PDE4D: variants seen among roughly 807,000 people sequenced by gnomAD.
The protein encoded by PDE4D is phosphodiesterase 4D.
In PDE4D, 24 loss-of-function variants were observed where a neutral mutation model predicts 87.4. The observed-to-expected ratio is 0.27, with a 90% CI of 0.20 to 0.39. The LOEUF (loss-of-function observed/expected upper bound fraction) is 0.39, where lower values mean the gene tolerates loss of function less well. PDE4D is among the 10% of genes least tolerant of loss of function. The pLI, the probability that PDE4D is intolerant of heterozygous loss-of-function variation, is 1.00. For synonymous variants in PDE4D, 384 were observed against 383.2 expected, an observed-to-expected ratio of 1.00 and a Z score of -0.02; for missense variants, 714 against 1,041.0, an observed-to-expected ratio of 0.69 and a Z score of 4.32.
At chr5:59,548,022 G>C (rs962762694) in intron 1 of PDE4D, among the ~76,000 whole-genome samples, 4 of 152,144 alleles carry the variant, frequency 2.6e-5, no homozygotes, top group South Asian at 2.1e-4. Flanking sequence ...GAAAGTCTTA[G>C]AAACACAGTG....
intron 1 of PDE4D, among the ~76,000 whole-genome samples, chr5:59,497,992 C>A (rs553695371): frequency 3.3e-5 from 5 of 152,110 alleles, no homozygotes; most frequent in Admixed American, 2.0e-4. Flanking sequence ...AGAAACCATA[C>A]AAGCCAGAAG....
rs771821662 is a variant in PDE4D at position 59,177,349 on chromosome 5, G to T, written c.808+3246C>A. ...ACCCAGTCTATGGTACTTTGTTATG[G>T]CAGCCTGAATTGATGAAGAAACCCC... On this transcript the variant is annotated intron_variant, in intron 5 of 14. Transcript: ENST00000340635. Among the ~76,000 whole-genome samples, 26 of 152,246 alleles carry T rather than the reference G, an allele frequency of 1.7e-4. No homozygotes were observed. The South Asian group carries it at 2.7e-3, about 16-fold the overall frequency.
chr5:60,044,722 G>C (rs1442646012), intron 2 of PDE4D, among the ~76,000 whole-genome samples: 2 of 152,106 alleles, frequency 1.3e-5, no homozygotes, highest in Non-Finnish European at 2.9e-5. Flanking sequence ...GCATAGTATT[G>C]CATGGTGTAT....
At chr5:59,608,897 A>G (rs1828600956) in intron 1 of PDE4D, among the ~76,000 whole-genome samples, 1 of 152,046 alleles carries the variant, frequency 6.6e-6, no homozygotes, top group African/African-American at 2.4e-5. Flanking sequence ...CTGTCTGCCT[A>G]TCTGTCTCTC....
At chr5:59,948,562 A>G (rs1380968069) in intron 3 of PDE4D, among the ~76,000 whole-genome samples, 1 of 152,192 alleles carries the variant, frequency 6.6e-6, no homozygotes, top group East Asian at 1.9e-4. Context: ...TGGGATGAAT[A>G]AAACAATTTC....
intron 5 of PDE4D, among the ~76,000 whole-genome samples, chr5:59,105,594 A>G (rs889478446): frequency 1.3e-5 from 2 of 152,220 alleles, no homozygotes; most frequent in Non-Finnish European, 2.9e-5. Context: ...GAAAATAGAA[A>G]TCAAATGATA....
At position 59,689,958 on chromosome 5, in the gene PDE4D, CA is replaced by C. The variant is rs1407500990; in HGVS notation, c.455+203209del. 1.3e-4 allele frequency among the ~76,000 whole-genome samples: 20 copies of C among 152,248 alleles called. 1 individual carries two copies. Among genetic ancestry groups the C allele is most frequent in the African/African-American group, 4.8e-4 (20 of 41,536 alleles). The stretch of plus-strand genomic sequence containing the variant: ...AAACAGCCAAATCCGAAGTGAACTC[CA>C]ATTCACAATTGCTTCAAAGAGAATA... On this transcript the variant is annotated intron_variant, in intron 1 of 14. Coordinates refer to ENST00000340635, the MANE Select transcript of PDE4D (RefSeq NM_001104631.2).
In PDE4D at chr5:59,781,281, C is replaced by T. The variant is rs1250329713; in HGVS notation, c.455+111887G>A. Among the ~76,000 whole-genome samples, 3 of 150,270 alleles carry T rather than the reference C, an allele frequency of 2.0e-5. No homozygotes were observed. The East Asian group carries it at 5.9e-4, about 30-fold the overall frequency. On this transcript the variant is annotated intron_variant, in intron 1 of 14. Transcript: ENST00000340635. ...CCTACATGATTGGTTTATGTAGGAA[C>T]TATGTCTTACTTAGTGGTTAAGTAA... is the stretch of plus-strand genomic sequence containing the variant.
intron 1 of PDE4D, among the ~76,000 whole-genome samples, chr5:60,342,018 A>G (rs1172624945): frequency 6.6e-6 from 1 of 152,180 alleles, no homozygotes; most frequent in African/African-American, 2.4e-5. Flanking sequence ...TCAAACTATA[A>G]AATGTTTGCT....
chr5:59,410,888 G>A (rs934333004), intron 1 of PDE4D, among the ~76,000 whole-genome samples: 6 of 152,254 alleles, frequency 3.9e-5, no homozygotes, highest in Non-Finnish European at 7.4e-5. Flanking sequence ...AAGGCTAACT[G>A]ACAGAGTTCT....
chr5:59,031,392 T>TATTATA (rs1431074293), intron 6 of PDE4D, among the ~76,000 whole-genome samples: 1 of 34,284 alleles, frequency 2.9e-5, no homozygotes, highest in Non-Finnish European at 5.1e-5. Context: ...TATATATATA[T>TATTATA]TATATATATA....
intron 5 of PDE4D, among the ~76,000 whole-genome samples, chr5:59,120,581 T>A (rs1407411907): frequency 2.0e-5 from 3 of 148,776 alleles, no homozygotes; most frequent in African/African-American, 2.5e-5. Context: ...CCTTTCTCTT[T>A]AAAAAAAAAA....
intron 1 of PDE4D, among the ~76,000 whole-genome samples, chr5:60,209,192 T>TC (rs1354997675): frequency 1.1e-3 from 155 of 147,028 alleles, no homozygotes; most frequent in African/African-American, 3.7e-3. Flanking sequence ...TTTTTCTTTT[T>TC]TTTTTTTTTT....
chr5:59,029,383 C>G (rs565508577), intron 6 of PDE4D, among the ~76,000 whole-genome samples: 2 of 132,540 alleles, frequency 1.5e-5, no homozygotes, highest in African/African-American at 5.7e-5. Context: ...CGCCACTGCA[C>G]TCTAGCCTGG....
chr5:59,242,327 G>A (rs1414170534), intron 1 of PDE4D, among the ~76,000 whole-genome samples: 1 of 152,060 alleles, frequency 6.6e-6, no homozygotes, highest in Non-Finnish European at 1.5e-5. Context: ...TTCTTAATGG[G>A]TTCTCTAAGC....
intron 5 of PDE4D, among the ~76,000 whole-genome samples, chr5:59,126,913 G>T (rs146302441): frequency 1.3e-5 from 2 of 152,190 alleles, no homozygotes; most frequent in Admixed American, 1.3e-4. Flanking sequence ...TGGAGAGTTA[G>T]AGTGGAACAA....
At chr5:59,251,726 C>T (rs754033190) in intron 1 of PDE4D, among the ~76,000 whole-genome samples, 5 of 152,040 alleles carry the variant, frequency 3.3e-5, no homozygotes, top group Non-Finnish European at 5.9e-5. Context: ...TACAGGCAAA[C>T]GAATGTTCAT....
intron 1 of PDE4D, among the ~76,000 whole-genome samples, chr5:60,337,480 G>C (rs1373865523): frequency 6.7e-6 from 1 of 150,112 alleles, no homozygotes; most frequent in African/African-American, 2.4e-5. Context: ...GAAGGAGGGA[G>C]AGCTTTTGAG....
chr5:60,030,260 C>T (rs996507721), intron 2 of PDE4D, among the ~76,000 whole-genome samples: 2 of 151,998 alleles, frequency 1.3e-5, no homozygotes, highest in African/African-American at 4.8e-5. Context: ...ACCATCCTGG[C>T]TAACAAGGTG....
Sources: gnomAD v4.1 joint callset for allele counts (sites outside exome capture counted in the v4.1 genomes callset) on GRCh38, gnomAD v4.1.1 for gene constraint, MANE v1.5 for transcripts, NCBI Gene and HGNC (gene_info 2026-07-23, HGNC 2026-07-21) for gene names.